The following KIAA1217 variants were observed in gnomAD, a reference collection of about 807,000 sequenced individuals.
KIAA1217 encodes sickle tail protein homolog.
KIAA1217 carries 88 observed loss-of-function variants against 163.9 expected under a neutral mutation model. The observed-to-expected ratio is 0.54, with a 90% CI of 0.45 to 0.64. The LOEUF is 0.64. KIAA1217 is among the 30% of genes least tolerant of loss of function. KIAA1217 has a pLI of 0.00. For synonymous variants in KIAA1217, 903 were observed against 923.1 expected (o/e 0.98, Z 0.39); for missense variants, 2,372 against 2,475.0 (o/e 0.96, Z 0.88).
intron 1 of KIAA1217, among the ~76,000 whole-genome samples, chr10:23,857,746 T>C (rs555386905): frequency 2.6e-5 from 4 of 152,252 alleles, no homozygotes; most frequent in African/African-American, 9.6e-5. Context: ...GGGAATCTTT[T>C]CTTGAGAACT....
At chr10:24,445,950 C>T (rs911015576) in intron 5 of KIAA1217, among the ~76,000 whole-genome samples, 14 of 152,128 alleles carry the variant, frequency 9.2e-5, no homozygotes, top group African/African-American at 3.1e-4. Flanking sequence ...CCTGAGGAAT[C>T]GCCACACCAA....
intron 1 of KIAA1217, among the ~76,000 whole-genome samples, chr10:23,979,195 T>G (rs1216432328): frequency 6.6e-6 from 1 of 152,216 alleles, no homozygotes; most frequent in East Asian, 1.9e-4. Flanking sequence ...TTAAAATGCA[T>G]TCTTCCCAAC....
At chr10:24,410,866 C>G (rs988937908) in intron 3 of KIAA1217, among the ~76,000 whole-genome samples, 1 of 152,176 alleles carries the variant, frequency 6.6e-6, no homozygotes, top group African/African-American at 2.4e-5. Flanking sequence ...AATTGTAACT[C>G]TTTTTCCCCC....
At chr10:24,545,626 T>C (rs2075655800) in intron 20 of KIAA1217, 1 of 1,388,130 alleles carries the variant, frequency 7.2e-7, no homozygotes, top group Non-Finnish European at 9.3e-7. Context: ...TTTCCTCCTT[T>C]CCCGTCCATC....
At chr10:24,057,400 G>A (rs186218148) in intron 2 of KIAA1217, among the ~76,000 whole-genome samples, 9 of 152,260 alleles carry the variant, frequency 5.9e-5, no homozygotes, top group African/African-American at 2.2e-4. Flanking sequence ...TAACTGAAAT[G>A]TTACACTCGT....
chr10:23,805,192 T>C (rs770909065), intron 1 of KIAA1217, among the ~76,000 whole-genome samples: 3 of 152,146 alleles, frequency 2.0e-5, no homozygotes, highest in Non-Finnish European at 4.4e-5. Context: ...ATAAAAATTG[T>C]TCTATTATAA....
At chr10:23,980,018 A>C (rs1845699888) in intron 1 of KIAA1217, among the ~76,000 whole-genome samples, 1 of 152,100 alleles carries the variant, frequency 6.6e-6, no homozygotes, top group Non-Finnish European at 1.5e-5. Context: ...TCCTTTGGTC[A>C]TTTCACGAAT....
chr10:24,168,001 A>G (rs193006580), intron 2 of KIAA1217, among the ~76,000 whole-genome samples: 14 of 152,286 alleles, frequency 9.2e-5, no homozygotes, highest in Admixed American at 9.1e-4. Context: ...AACATCTCTC[A>G]TGAGGCCCCA....
chr10:24,398,127 C>T (rs1231885759), intron 3 of KIAA1217, among the ~76,000 whole-genome samples: 1 of 152,194 alleles, frequency 6.6e-6, no homozygotes, highest in Admixed American at 6.5e-5. Flanking sequence ...GAGCAGAAGG[C>T]TTGCCAATAA....
At position 23,765,018 on chromosome 10, in the gene KIAA1217, CA is replaced by C. The variant is rs58592387; in HGVS notation, c.-321+69791del. 8.9e-3 allele frequency among the ~76,000 whole-genome samples: 1,352 copies of C among 151,600 alleles called. 7 individuals carry two copies. The highest frequency in any genetic ancestry group is 0.015 in the Non-Finnish European group (988 of 67,886). On this transcript the variant is annotated intron_variant, in intron 1 of 18. Coordinates refer to the KIAA1217 transcript ENST00000376462. Reference sequence around the variant, plus strand: ...AAAGAGTTTTATTTGGCTTCTCCCCCAAAAAAACCCACTAAAATAAGTAAAG... The same window carrying C: ...AAAGAGTTTTATTTGGCTTCTCCCCCAAAAAACCCACTAAAATAAGTAAAG...
intron 1 of KIAA1217, among the ~76,000 whole-genome samples, chr10:24,211,602 A>G (rs1447589686): frequency 5.4e-5 from 8 of 149,208 alleles, no homozygotes; most frequent in South Asian, 2.1e-4. Flanking sequence ...ATTTTATTTT[A>G]TTTTAGAGAA....
chr10:24,298,231 T>TACCTCTAAGTAGA (rs2040852917), intron 2 of KIAA1217, among the ~76,000 whole-genome samples: 2 of 152,184 alleles, frequency 1.3e-5, no homozygotes, highest in Non-Finnish European at 2.9e-5. Flanking sequence ...TAGAGGTAGC[T>TACCTCTAAGTAGA]CCTGATGTCA....
At chr10:23,905,291 T>C (rs573993100) in intron 1 of KIAA1217, among the ~76,000 whole-genome samples, 3 of 151,724 alleles carry the variant, frequency 2.0e-5, no homozygotes, top group African/African-American at 7.3e-5. Flanking sequence ...GAGCAGTGAG[T>C]CTAGGGAGCT....
At chr10:23,796,158 T>C (rs1032669531) in intron 1 of KIAA1217, among the ~76,000 whole-genome samples, 1 of 152,096 alleles carries the variant, frequency 6.6e-6, no homozygotes, top group African/African-American at 2.4e-5. Context: ...TTAGCTTTGG[T>C]TCCCAAAGGA....
chr10:24,416,956 C>T (rs1052814805), intron 3 of KIAA1217, among the ~76,000 whole-genome samples: 6 of 152,154 alleles, frequency 3.9e-5, no homozygotes. Flanking sequence ...CAGTTTGACC[C>T]TTATTCCTTC....
intron 2 of KIAA1217, among the ~76,000 whole-genome samples, chr10:24,023,601 T>C (rs1003498999): frequency 6.6e-6 from 1 of 151,732 alleles, no homozygotes; most frequent in African/African-American, 2.4e-5. Context: ...TTTTGGTATA[T>C]GTGGGAGTTC....
chr10:24,355,842 G>A (rs975170363), intron 2 of KIAA1217, among the ~76,000 whole-genome samples: 10 of 134,472 alleles, frequency 7.4e-5, no homozygotes, highest in Admixed American at 8.6e-5. Context: ...TCCACCTCCC[G>A]GGTTCAAGCC....
rs558109674 is a variant in KIAA1217 at position 24,324,900 on chromosome 10, C to T, written c.355-55969C>T. ...AATGCTCAATCTTGCCCCTATTCAG[C>T]GACTGACTGTTTAGAAAAGCCTGGC... On this transcript the variant is annotated intron_variant, in intron 2 of 20. Transcript: ENST00000376454. Among the ~76,000 whole-genome samples, 279 of 152,250 alleles carry T rather than the reference C, an allele frequency of 1.8e-3. 4 individuals are homozygous for T. The highest frequency in any genetic ancestry group is 6.5e-3 in the African/African-American group (271 of 41,550).
chr10:24,466,403 A>G, intron 5 of KIAA1217: 1 of 324,234 alleles, frequency 3.1e-6, no homozygotes, highest in African/African-American at 2.2e-5. Context: ...TTTTCCCTGT[A>G]AGCAGTTGTT....
Sources: allele counts gnomAD v4.1 joint callset (sites outside exome capture counted in the v4.1 genomes callset), GRCh38; gene constraint gnomAD v4.1.1; transcripts MANE v1.5; gene names NCBI Gene and HGNC (gene_info 2026-07-23, HGNC 2026-07-21).